The following MORC1 variants were observed in gnomAD, a reference collection of about 807,000 sequenced individuals.
The protein encoded by MORC1 is MORC family CW-type zinc finger 1.
A neutral mutation model predicts 134.9 loss-of-function variants in MORC1; 59 were observed. The ratio of observed to expected loss-of-function variants is 0.44; its 90% confidence interval spans 0.35 to 0.54. The LOEUF (loss-of-function observed/expected upper bound fraction) is 0.54, where lower values mean the gene tolerates loss of function less well. Ranked by LOEUF, MORC1 falls within the 20% of genes least tolerant of loss-of-function variation. MORC1 has a pLI of 0.00. For synonymous variants in MORC1, 395 were observed against 391.7 expected (o/e 1.01, Z -0.10); for missense variants, 947 against 1,134.5 (o/e 0.83, Z 2.37).
At chr3:109,115,798 G>A (rs902547915) in intron 1 of MORC1, among the ~76,000 whole-genome samples, 2 of 152,140 alleles carry the variant, frequency 1.3e-5, no homozygotes, top group Middle Eastern at 3.2e-3. Flanking sequence ...TGGGGTACAC[G>A]GAAAACACAC....
chr3:109,101,465 G>C (rs907476401), intron 4 of MORC1: 2 of 152,222 alleles, frequency 1.3e-5, no homozygotes, highest in South Asian at 4.1e-4. Context: ...TGTTCTTCTT[G>C]TTGGCCTACC....
At chr3:108,966,751 T>C (rs529452610) in intron 26 of MORC1, among the ~76,000 whole-genome samples, 3 of 152,002 alleles carry the variant, frequency 2.0e-5, no homozygotes, top group African/African-American at 7.2e-5. Context: ...AGAGGCCCAC[T>C]GTGTATTGGG....
In MORC1 at chr3:108,958,658, C is replaced by T. The variant is rs1286228135; in HGVS notation, c.*307G>A. The T allele has an allele frequency of 6.2e-6, 1 of 160,992 alleles. No individual in the cohort carries two copies. The highest frequency in any genetic ancestry group is 6.4e-5 in the Admixed American group (1 of 15,512). The allele number at this position is 160,992 out of a possible 1,614,324, so 10.0% of individuals were successfully genotyped here. A position where few individuals can be genotyped will look rare whatever the true frequency, so the allele number is the denominator to read the frequency against. On this transcript the variant is annotated 3_prime_UTR_variant, in exon 28 of 28. Coordinates refer to ENST00000232603, the MANE Select transcript of MORC1 (RefSeq NM_014429.4). ...ACAATAACAATCTTTTAAGGAATAA[C>T]AAAAGTTAAGCTTGAGTGACATTTT... is the stretch of plus-strand genomic sequence containing the variant.
At chr3:108,981,060 T>C (rs1193887496) in intron 23 of MORC1, among the ~76,000 whole-genome samples, 1 of 152,048 alleles carries the variant, frequency 6.6e-6, no homozygotes, top group Non-Finnish European at 1.5e-5. Context: ...TAAGGATGTA[T>C]AGTTTGTTGA....
At chr3:109,064,703 T>C (rs1950158652) in intron 9 of MORC1, among the ~76,000 whole-genome samples, 1 of 152,194 alleles carries the variant, frequency 6.6e-6, no homozygotes, top group Admixed American at 6.5e-5. Context: ...ATTTAAGTTA[T>C]AAGAGTTTAC....
rs140855556 is a variant in MORC1 at position 108,999,051 on chromosome 3, G to A, written c.2187+1506C>T. Among the ~76,000 whole-genome samples, 34 of 152,274 alleles carry A rather than the reference G, an allele frequency of 2.2e-4. No homozygotes were observed. The Middle Eastern group carries it at 0.01, about 46-fold the overall frequency. On this transcript the variant is annotated intron_variant, in intron 21 of 27. Coordinates refer to ENST00000232603, the MANE Select transcript of MORC1 (RefSeq NM_014429.4). ...AAGTGGTGAACAGTAATATTCACAGGTACAATTATATTACATTTTGCTTTG... is the reference window on the plus strand; with the variant it reads ...AAGTGGTGAACAGTAATATTCACAGATACAATTATATTACATTTTGCTTTG...
At chr3:108,968,224 T>C (rs1174191275) in intron 26 of MORC1, among the ~76,000 whole-genome samples, 1 of 152,256 alleles carries the variant, frequency 6.6e-6, no homozygotes, top group African/African-American at 2.4e-5. Flanking sequence ...GTTCAGTTAC[T>C]GCTTTTACAG....
chr3:108,969,922 T>C (rs1006981382), intron 25 of MORC1, among the ~76,000 whole-genome samples, 200 bp from the exon 26 acceptor site: 9 of 152,196 alleles, frequency 5.9e-5, no homozygotes, highest in Non-Finnish European at 1.2e-4. Flanking sequence ...CAAAAAAGGA[T>C]TAAGTCAGCT....
intron 20 of MORC1, among the ~76,000 whole-genome samples, chr3:109,002,233 T>C (rs1001140468): frequency 3.3e-5 from 5 of 152,204 alleles, no homozygotes; most frequent in Admixed American, 1.3e-4. Flanking sequence ...CTATAGTATC[T>C]TGGTTATTGG....
chr3:108,980,693 C>A (rs1029084088), intron 23 of MORC1, among the ~76,000 whole-genome samples: 8 of 152,196 alleles, frequency 5.3e-5, no homozygotes, highest in African/African-American at 1.9e-4. Context: ...CAGAAAAAAT[C>A]ACTTAACTAA....
chr3:109,015,715 T>C (rs957743303), intron 17 of MORC1, among the ~76,000 whole-genome samples: 1 of 152,234 alleles, frequency 6.6e-6, no homozygotes, highest in Non-Finnish European at 1.5e-5. Flanking sequence ...ATACCCCTCT[T>C]GACTTCCAGT....
intron 9 of MORC1, among the ~76,000 whole-genome samples, chr3:109,066,921 G>A (rs1442560718): frequency 6.6e-6 from 1 of 151,988 alleles, no homozygotes; most frequent in Non-Finnish European, 1.5e-5. Context: ...TTATCATACT[G>A]TAATAAAAGA....
At chr3:109,006,859 T>G (rs1041319179) in intron 18 of MORC1, among the ~76,000 whole-genome samples, 170 bp downstream of exon 18, 12 of 152,204 alleles carry the variant, frequency 7.9e-5, no homozygotes, top group Non-Finnish European at 2.9e-5. Context: ...TTCTAACTTA[T>G]CCCTAATAAA....
rs2107766175 is a variant in MORC1, at chr3:109,094,965, G to A, written c.527C>T (p.Pro176Leu). The A allele has an allele frequency of 1.9e-6, 3 of 1,592,878 alleles. No homozygotes were observed. The East Asian group carries it at 6.8e-5, about 36-fold the overall frequency. Residue 176 changes from proline to leucine, a missense_variant, in exon 7 of 28, where the codon CCA (proline) becomes CTA (leucine). Coordinates refer to ENST00000232603, the MANE Select transcript of MORC1 (RefSeq NM_014429.4). ...CATCAATTCTGCTTCAGTTTTAAATGGGGAGTATTTATAAATTATAGATAA... is the reference window on the plus strand; with the variant it reads ...CATCAATTCTGCTTCAGTTTTAAATAGGGAGTATTTATAAATTATAGATAA... ...MELSIIYKYSPFKTEAELMQQ... is the reference protein window; with the variant it reads ...MELSIIYKYSLFKTEAELMQQ...
chr3:109,056,320 C>A (rs1199293404), intron 13 of MORC1, among the ~76,000 whole-genome samples: 1 of 152,138 alleles, frequency 6.6e-6, no homozygotes, highest in Non-Finnish European at 1.5e-5. Context: ...CTCTGCCTCC[C>A]GGGTTCATGC....
rs781262820 is a variant in MORC1 at position 109,099,444 on chromosome 3, C to A, written c.337G>T (p.Asp113Tyr). The stretch of plus-strand genomic sequence containing the variant: ...TCCTTCTTCGTAAAAAGAATAAAGT[C>A]TTTTCCAATTCTCATGGACCCACTA... The part of the protein sequence containing the change: ...LKSGSMRIGK[D>Y]FILFTKKEET... Residue 113 changes from aspartate to tyrosine, a missense_variant, in exon 6 of 28, where the codon GAC becomes TAC. By Grantham distance (160) the Asp-to-Tyr change is radical. Coordinates refer to ENST00000232603, the MANE Select transcript of MORC1 (RefSeq NM_014429.4). 19 of 1,611,974 alleles carry A rather than the reference C, an allele frequency of 1.2e-5. No individual in the cohort carries two copies. The highest frequency in any genetic ancestry group is 1.5e-5 in the Non-Finnish European group (18 of 1,179,342).
intron 11 of MORC1, among the ~76,000 whole-genome samples, chr3:109,060,640 C>A (rs1950059027): frequency 2.0e-5 from 3 of 152,004 alleles, no homozygotes; most frequent in Non-Finnish European, 4.4e-5. Flanking sequence ...GGCAAGTATT[C>A]CATTTAAAAT....
At chr3:109,028,016 G>A in intron 16 of MORC1, 127 bp from the exon 17 acceptor site, 2 of 1,001,958 alleles carry the variant, frequency 2.0e-6, no homozygotes, top group South Asian at 1.8e-5. Flanking sequence ...AAATAGGAAG[G>A]AAAAGCATTG....
intron 9 of MORC1, among the ~76,000 whole-genome samples, chr3:109,064,111 A>G (rs951592644): frequency 6.6e-6 from 1 of 152,168 alleles, no homozygotes; most frequent in Non-Finnish European, 1.5e-5. Context: ...ACATAATTTT[A>G]TGTTTAAAAA....
Sources: gnomAD v4.1 joint callset for allele counts (sites outside exome capture counted in the v4.1 genomes callset) on GRCh38, gnomAD v4.1.1 for gene constraint, MANE v1.5 for transcripts, NCBI Gene and HGNC (gene_info 2026-07-23, HGNC 2026-07-21) for gene names.